Variants in PTPRT observed in about 807,000 individuals in gnomAD.
The protein encoded by PTPRT is protein tyrosine phosphatase receptor type T, also known as receptor-type tyrosine-protein phosphatase T.
Under a neutral mutation model 176.8 loss-of-function variants are expected in PTPRT, and 56 were observed. That is an observed-to-expected ratio of 0.32 (90% confidence interval 0.26 to 0.40). The LOEUF is 0.40. PTPRT is among the 10% of genes least tolerant of loss of function. The probability of loss-of-function intolerance (pLI) is 1.00; values close to 1 mark genes in which losing one functional copy is unlikely to be tolerated. For missense variants in PTPRT, 1,540 were observed against 1,908.2 expected (o/e 0.81, Z 3.60); for synonymous variants, 783 against 739.0 (o/e 1.06, Z -0.96).
At chr20:43,123,889 G>A (rs1275958765) in intron 1 of PTPRT, among the ~76,000 whole-genome samples, 1 of 152,144 alleles carries the variant, frequency 6.6e-6, no homozygotes, top group Admixed American at 6.5e-5. Flanking sequence ...GAAGAAAAAT[G>A]TGTGTTGCCA....
intron 7 of PTPRT, among the ~76,000 whole-genome samples, chr20:42,537,990 G>A (rs1201189574): frequency 6.6e-6 from 1 of 152,082 alleles, no homozygotes; most frequent in Non-Finnish European, 1.5e-5. Context: ...TAGTTATTGA[G>A]TATTAACTAT....
chr20:43,159,483 G>A (rs1273989680), intron 1 of PTPRT, among the ~76,000 whole-genome samples: 1 of 152,164 alleles, frequency 6.6e-6, no homozygotes, highest in Non-Finnish European at 1.5e-5. Context: ...TCTCAGAGTT[G>A]GCATGAGGAT....
intron 6 of PTPRT, among the ~76,000 whole-genome samples, chr20:42,746,579 G>A (rs184264856): frequency 1.1e-3 from 174 of 152,074 alleles, no homozygotes; most frequent in African/African-American, 3.3e-3. Flanking sequence ...ATTTGAACCC[G>A]AGACCTCTGA....
intron 13 of PTPRT, among the ~76,000 whole-genome samples, chr20:42,277,880 C>CCACT: frequency 7.7e-6 from 1 of 130,694 alleles, no homozygotes; most frequent in Middle Eastern, 3.4e-3. Context: ...TGTTAGTCAT[C>CCACT]CACTCATCCA....
intron 7 of PTPRT, among the ~76,000 whole-genome samples, chr20:42,666,073 C>T (rs1324682873): frequency 1.3e-5 from 2 of 150,590 alleles, no homozygotes; most frequent in African/African-American, 2.5e-5. Context: ...GCACATGTAC[C>T]GTAAAACTTA....
intron 1 of PTPRT, among the ~76,000 whole-genome samples, chr20:42,996,057 T>A (rs917975774): frequency 6.6e-6 from 1 of 152,156 alleles, no homozygotes; most frequent in African/African-American, 2.4e-5. Context: ...GGTATTGCCA[T>A]CTACTTAACA....
chr20:43,083,945 T>C (rs2011535167), intron 1 of PTPRT, among the ~76,000 whole-genome samples: 1 of 152,230 alleles, frequency 6.6e-6, no homozygotes, highest in Admixed American at 6.5e-5. Context: ...CTGAGGTTCA[T>C]ACATGTGGCT....
intron 17 of PTPRT, among the ~76,000 whole-genome samples, chr20:42,159,425 T>A (rs953582079): frequency 8.5e-5 from 13 of 152,068 alleles, no homozygotes; most frequent in African/African-American, 2.7e-4. Context: ...TTTCTTTTTT[T>A]AATTATTATT....
intron 6 of PTPRT, among the ~76,000 whole-genome samples, chr20:42,747,613 A>G (rs1408552777): frequency 6.6e-6 from 1 of 152,238 alleles, no homozygotes; most frequent in Admixed American, 6.5e-5. Context: ...CAGAGACCAG[A>G]TCGATAAAAC....
At chr20:42,253,973 A>G (rs1411006759) in intron 13 of PTPRT, among the ~76,000 whole-genome samples, 1 of 152,124 alleles carries the variant, frequency 6.6e-6, no homozygotes, top group Non-Finnish European at 1.5e-5. Flanking sequence ...TATATGTGCT[A>G]CCTGTCTACT....
At chr20:43,158,258 A>G (rs1194184056) in intron 1 of PTPRT, among the ~76,000 whole-genome samples, 3 of 152,162 alleles carry the variant, frequency 2.0e-5, no homozygotes, top group African/African-American at 7.2e-5. Flanking sequence ...GGGCAAGTGG[A>G]CGTGTGCAGT....
At chr20:43,037,008 T>A (rs1030949377) in intron 1 of PTPRT, among the ~76,000 whole-genome samples, 1 of 152,192 alleles carries the variant, frequency 6.6e-6, no homozygotes, top group Admixed American at 6.5e-5. Flanking sequence ...ATAAAATACA[T>A]AAATCTTTGG....
intron 10 of PTPRT, 47 bp downstream of exon 10, chr20:42,352,037 T>C (rs372912872): frequency 6.4e-6 from 10 of 1,568,548 alleles, no homozygotes; most frequent in African/African-American, 2.7e-5. Flanking sequence ...AATCAGGAAG[T>C]GGGGGTGAAA....
intron 1 of PTPRT, among the ~76,000 whole-genome samples, chr20:42,943,045 T>G (rs958520892): frequency 6.6e-6 from 1 of 152,146 alleles, no homozygotes; most frequent in Non-Finnish European, 1.5e-5. Flanking sequence ...TCATTTACAG[T>G]TTTTTTGTGG....
chr20:42,661,009 G>A (rs556732225), intron 7 of PTPRT, among the ~76,000 whole-genome samples: 14 of 152,038 alleles, frequency 9.2e-5, no homozygotes, highest in Non-Finnish European at 1.3e-4. Flanking sequence ...ATGCCACCAC[G>A]CCCGTCTAAT....
intron 1 of PTPRT, among the ~76,000 whole-genome samples, chr20:43,100,205 C>T (rs1455060954): frequency 6.6e-6 from 1 of 152,046 alleles, no homozygotes; most frequent in Non-Finnish European, 1.5e-5. Flanking sequence ...GGTAAAACCC[C>T]ATCTCTACTA....
intron 7 of PTPRT, among the ~76,000 whole-genome samples, chr20:42,655,790 A>G (rs2075114804): frequency 6.6e-6 from 1 of 152,174 alleles, no homozygotes; most frequent in Admixed American, 6.5e-5. Context: ...CTATTTACCA[A>G]ATAGGAGTAG....
chr20:42,567,190 T>A (rs1339140540), intron 7 of PTPRT, among the ~76,000 whole-genome samples: 1 of 151,774 alleles, frequency 6.6e-6, no homozygotes, highest in Non-Finnish European at 1.5e-5. Flanking sequence ...GGAGAATCAC[T>A]TGAACCCAGG....
chr20:42,715,463 T>A (rs189781872), intron 6 of PTPRT, among the ~76,000 whole-genome samples: 32 of 151,982 alleles, frequency 2.1e-4, no homozygotes, highest in African/African-American at 7.0e-4. Flanking sequence ...ACATCAGAAG[T>A]AAGAAAATAA....
Sources: allele counts gnomAD v4.1 joint callset (sites outside exome capture counted in the v4.1 genomes callset), GRCh38; gene constraint gnomAD v4.1.1; transcripts MANE v1.5; gene names NCBI Gene and HGNC (gene_info 2026-07-23, HGNC 2026-07-21).